The following TMPRSS11D variants were observed in gnomAD, a reference collection of about 807,000 sequenced individuals.
TMPRSS11D encodes the protein transmembrane protease serine 11D.
A neutral mutation model predicts 44.4 loss-of-function variants in TMPRSS11D; 32 were observed. That is an observed-to-expected ratio of 0.72 (90% confidence interval 0.54 to 0.97). The LOEUF is 0.97. Ranked by LOEUF, TMPRSS11D falls within the 50% of genes least tolerant of loss-of-function variation. TMPRSS11D has a pLI of 0.00. For missense variants in TMPRSS11D, 446 were observed against 502.6 expected (o/e 0.89, Z 1.08); for synonymous variants, 179 against 177.9 (o/e 1.01, Z -0.05).
rs530606487 is a variant in TMPRSS11D at position 67,842,438 on chromosome 4, T to A, written c.317+120A>T. The stretch of plus-strand genomic sequence containing the variant: ...TTGGTTTTTAAGCTGACTAAAATAC[T>A]ATTTTCATAATATTACAACAACTTA... On this transcript the variant is annotated intron_variant, in intron 4 of 9. Coordinates refer to ENST00000283916, the MANE Select transcript of TMPRSS11D (RefSeq NM_004262.3). 1.4e-4 allele frequency: 128 copies of A among 938,252 alleles called. 1 individual carries two copies. The East Asian group carries it at 3.3e-3, about 24-fold the overall frequency. 58.1% of individuals were successfully genotyped at this position (938,252 alleles called of 1,614,324 possible).
chr4:67,848,467 C>T (rs989895004), intron 3 of TMPRSS11D, among the ~76,000 whole-genome samples: 4 of 152,174 alleles, frequency 2.6e-5, no homozygotes, highest in African/African-American at 4.8e-5. Context: ...GGATAGAAAA[C>T]AGTAATCTGG....
In TMPRSS11D at chr4:67,822,037, GTTC is replaced by G. The variant is rs939307969; in HGVS notation, c.*297_*299del. ...TCTACTATACATGCTCAAGGTTCCT[GTTC>G]TTCTCACTACGGGCATTTAGCACAA... On this transcript the variant is annotated 3_prime_UTR_variant, in exon 10 of 10. Coordinates refer to ENST00000283916, the MANE Select transcript of TMPRSS11D (RefSeq NM_004262.3). 5 of 254,864 alleles carry G rather than the reference GTTC, an allele frequency of 2.0e-5. 1 individual carries two copies. The highest frequency in any genetic ancestry group is 3.1e-5 in the Non-Finnish European group (4 of 130,608). The allele number at this position is 254,864 out of a possible 1,614,324, so 15.8% of individuals were successfully genotyped here.
Position 67,832,033 on chromosome 4 carries a change from A to G in TMPRSS11D, c.692+1171T>C, listed in dbSNP as rs1717958167. ...ACTTAGAAATTATCAAAAATTTCAT[A>G]AAATTCAAATAGAGATGTGGTAAAT... On this transcript the variant is annotated intron_variant, in intron 7 of 9. Transcript: ENST00000283916. Among the ~76,000 whole-genome samples the G allele has an allele frequency of 2.0e-5, 3 of 152,296 alleles. No homozygotes were observed. The South Asian group carries it at 6.2e-4, about 32-fold the overall frequency.
chr4:67,833,856 T>G (rs1000708539), intron 6 of TMPRSS11D, among the ~76,000 whole-genome samples: 2 of 152,058 alleles, frequency 1.3e-5, no homozygotes, highest in Non-Finnish European at 1.5e-5. Context: ...TGATGTGAGG[T>G]TCATGCACAC....
chr4:67,878,073 T>G (rs1020065387), intron 1 of TMPRSS11D, among the ~76,000 whole-genome samples: 2 of 152,234 alleles, frequency 1.3e-5, no homozygotes, highest in African/African-American at 4.8e-5. Context: ...TCTGCCCTGC[T>G]ATGTCTTTAA....
chr4:67,839,975 T>A (rs1718193330), intron 4 of TMPRSS11D, among the ~76,000 whole-genome samples: 2 of 113,310 alleles, frequency 1.8e-5, no homozygotes, highest in South Asian at 3.5e-4. Context: ...ATGCTATCCC[T>A]CCCCCCTCCC....
intron 4 of TMPRSS11D, among the ~76,000 whole-genome samples, chr4:67,839,545 C>T (rs1282796707): frequency 6.6e-6 from 1 of 151,892 alleles, no homozygotes; most frequent in Non-Finnish European, 1.5e-5. Context: ...TACATAGAGA[C>T]TGGAGATGGG....
rs186019937 is a variant in TMPRSS11D at position 67,827,490 on chromosome 4, C to T, written c.723G>A (p.Thr241=). ...TAGGAAATGTTGTGGAAATACCAGA[C>T]GTGGCAATCCAGTCACGAGGATTAG... The part of the protein sequence containing the change: ...SNSNPRDWIA[T]SGISTTFPKL... Residue 241 remains threonine, a synonymous_variant, in exon 8 of 10, where the codon ACG becomes ACA. Coordinates refer to ENST00000283916, the MANE Select transcript of TMPRSS11D (RefSeq NM_004262.3). The T allele has an allele frequency of 4.2e-5, 67 of 1,608,118 alleles. No individual in the cohort carries two copies. Among genetic ancestry groups the T allele is most frequent in the African/African-American group, 3.1e-4 (23 of 74,844 alleles).
chr4:67,829,726 C>A (rs974629209), intron 7 of TMPRSS11D, among the ~76,000 whole-genome samples: 2 of 151,892 alleles, frequency 1.3e-5, no homozygotes, highest in Admixed American at 1.3e-4. Context: ...AGTGGCAGTT[C>A]ATGGTAGGGG....
chr4:67,863,017 G>T (rs191307014), intron 1 of TMPRSS11D, among the ~76,000 whole-genome samples: 6 of 151,110 alleles, frequency 4.0e-5, no homozygotes. Flanking sequence ...TAACAAAGCT[G>T]CACGTTACCC....
intron 3 of TMPRSS11D, among the ~76,000 whole-genome samples, chr4:67,853,444 CT>C (rs1718556360): frequency 6.6e-6 from 1 of 151,964 alleles, no homozygotes; most frequent in Non-Finnish European, 1.5e-5. Context: ...ATTCTTAGGA[CT>C]TTTTTTTGAA....
chr4:67,882,158 TTA>T (rs1005108247), intron 1 of TMPRSS11D, among the ~76,000 whole-genome samples: 2 of 151,852 alleles, frequency 1.3e-5, no homozygotes, highest in Non-Finnish European at 2.9e-5. Context: ...AGCTGGGAGT[TTA>T]ATTTTTTATA....
chr4:67,877,882 C>A (rs1013222041), intron 1 of TMPRSS11D, among the ~76,000 whole-genome samples: 1 of 152,148 alleles, frequency 6.6e-6, no homozygotes, highest in African/African-American at 2.4e-5. Flanking sequence ...AAAGATATCT[C>A]CTTTCTCCAC....
chr4:67,880,610 G>A (rs1301650702), intron 1 of TMPRSS11D, among the ~76,000 whole-genome samples: 2 of 151,986 alleles, frequency 1.3e-5, no homozygotes, highest in Admixed American at 6.6e-5. Flanking sequence ...AAATATACTC[G>A]GTGGCTTTTA....
At position 67,870,670 on chromosome 4, in the gene TMPRSS11D, C is replaced by T. The variant is rs570186670; in HGVS notation, c.9-10992G>A. Among the ~76,000 whole-genome samples, 36 of 152,130 alleles carry T rather than the reference C, an allele frequency of 2.4e-4. No individual in the cohort carries two copies. In the East Asian group the frequency reaches 6.6e-3, roughly 28 times the overall value. On this transcript the variant is annotated intron_variant, in intron 1 of 9. Coordinates refer to ENST00000283916, the MANE Select transcript of TMPRSS11D (RefSeq NM_004262.3). ...TCTACTAAAAATACAAAAAATTAGCCGGGCGTGGTGGCGGGCGCCTATAGT... is the reference window on the plus strand; with the variant it reads ...TCTACTAAAAATACAAAAAATTAGCTGGGCGTGGTGGCGGGCGCCTATAGT...
intron 4 of TMPRSS11D, 101 bp downstream of exon 4, chr4:67,842,457 C>T (rs894301257): frequency 2.4e-5 from 26 of 1,092,994 alleles, no homozygotes; most frequent in Non-Finnish European, 3.3e-5. Flanking sequence ...AATATTACAA[C>T]AACTTATCTG....
chr4:67,864,410 G>A (rs992642287), intron 1 of TMPRSS11D, among the ~76,000 whole-genome samples: 3 of 151,748 alleles, frequency 2.0e-5, no homozygotes, highest in African/African-American at 7.3e-5. Flanking sequence ...TTCTAAACAT[G>A]GGAATGAAAG....
At position 67,855,792 on chromosome 4, in the gene TMPRSS11D, CA is replaced by C. The variant is rs201931989; in HGVS notation, c.131-1607del. On this transcript the variant is annotated intron_variant, in intron 2 of 9. Transcript: ENST00000283916. Reference sequence around the variant, plus strand: ...TTTGCAGATTATATAATTTTATACCCAAAAAAACCTAAAGACTCCACCAAAA... The same window carrying C: ...TTTGCAGATTATATAATTTTATACCCAAAAAACCTAAAGACTCCACCAAAA... 8.8e-3 allele frequency among the ~76,000 whole-genome samples: 1,341 copies of C among 151,944 alleles called. 22 individuals are homozygous for C. Among genetic ancestry groups the C allele is most frequent in the African/African-American group, 0.031 (1,268 of 41,450 alleles).
chr4:67,865,420 AC>A (rs1461758003), intron 1 of TMPRSS11D, among the ~76,000 whole-genome samples: 2 of 151,912 alleles, frequency 1.3e-5, no homozygotes, highest in Non-Finnish European at 2.9e-5. Context: ...ACCTTAAGGA[AC>A]TAGAAAAACA....
Sources: gnomAD v4.1 joint callset for allele counts (sites outside exome capture counted in the v4.1 genomes callset) on GRCh38, gnomAD v4.1.1 for gene constraint, MANE v1.5 for transcripts, NCBI Gene and HGNC (gene_info 2026-07-23, HGNC 2026-07-21) for gene names.